Variants in ZBBX observed in about 807,000 individuals in gnomAD.
The protein encoded by ZBBX is zinc finger B-box domain containing, also known as zinc finger B-box domain-containing protein 1.
A neutral mutation model predicts 108.5 loss-of-function variants in ZBBX; 101 were observed. The ratio of observed to expected loss-of-function variants is 0.93; its 90% CI spans 0.79 to 1.10. The LOEUF (loss-of-function observed/expected upper bound fraction) is 1.10, where lower values mean the gene tolerates loss of function less well. Ranked by LOEUF, ZBBX falls within the 50% of genes least tolerant of loss-of-function variation. The pLI is 0.00. For synonymous variants in ZBBX, 356 were observed against 323.4 expected (o/e 1.10, Z -1.08); for missense variants, 1,009 against 941.4 (o/e 1.07, Z -0.94).
At chr3:167,390,483 T>C (rs1748054064) in intron 1 of ZBBX, among the ~76,000 whole-genome samples, 2 of 152,062 alleles carry the variant, frequency 1.3e-5, no homozygotes, top group African/African-American at 2.4e-5. Context: ...TTTGGTTCCA[T>C]ATGAAATTTA....
intron 14 of ZBBX, among the ~76,000 whole-genome samples, chr3:167,316,563 A>G (rs1735497607): frequency 6.6e-6 from 1 of 152,090 alleles, no homozygotes; most frequent in Admixed American, 6.6e-5. Flanking sequence ...TGAACTTCTT[A>G]AGTCTTACAC....
intron 19 of ZBBX, among the ~76,000 whole-genome samples, chr3:167,288,222 G>A (rs1730057211): frequency 6.6e-6 from 1 of 152,066 alleles, no homozygotes; most frequent in South Asian, 2.1e-4. Context: ...TAACAGTAAT[G>A]TCCTAATAAT....
the ZBBX span, among the ~76,000 whole-genome samples, chr3:167,209,867 A>C: frequency 6.6e-6 from 1 of 152,168 alleles, no homozygotes; most frequent in Non-Finnish European, 1.5e-5. Context: ...AGGCGGGTGG[A>C]TCACTTGAGC....
intron 17 of ZBBX, 36 bp from the exon 18 acceptor site, chr3:167,298,494 AC>A (rs763322837): frequency 7.2e-7 from 1 of 1,387,034 alleles, no homozygotes; most frequent in South Asian, 1.7e-5. Context: ...TTATTTTCTA[AC>A]TCATTAACAC....
intron 20 of ZBBX, among the ~76,000 whole-genome samples, chr3:167,268,636 C>T (rs1228682827): frequency 6.6e-6 from 1 of 152,102 alleles, no homozygotes; most frequent in Non-Finnish European, 1.5e-5. Context: ...CAGGCCTAAA[C>T]TTAGAAGACC....
chr3:167,394,384 A>T (rs1748167077), intron 1 of ZBBX, among the ~76,000 whole-genome samples: 1 of 151,906 alleles, frequency 6.6e-6, no homozygotes, highest in African/African-American at 2.4e-5. Flanking sequence ...TTTCTTTCTG[A>T]TTGTATCAAG....
At chr3:167,221,745 T>C in the ZBBX span, among the ~76,000 whole-genome samples, 2 of 151,752 alleles carry the variant, frequency 1.3e-5, no homozygotes, top group Admixed American at 6.6e-5. Flanking sequence ...AAATTAAAAA[T>C]GGGCAAAAGA....
chr3:167,391,608 T>C (rs1481467829), intron 1 of ZBBX, among the ~76,000 whole-genome samples: 1 of 151,876 alleles, frequency 6.6e-6, no homozygotes, highest in East Asian at 1.9e-4. Flanking sequence ...GGAAATCCGT[T>C]TGGCCTTGGG....
chr3:167,251,395 C>A (rs1306827504), intron 20 of ZBBX, among the ~76,000 whole-genome samples: 1 of 152,174 alleles, frequency 6.6e-6, no homozygotes, highest in Admixed American at 6.5e-5. Context: ...AACACACACC[C>A]ACTGGGGCCT....
At chr3:167,400,892 G>A (rs776246481) in intron 1 of ZBBX, among the ~76,000 whole-genome samples, 8 of 152,098 alleles carry the variant, frequency 5.3e-5, no homozygotes, top group Non-Finnish European at 1.0e-4. Context: ...TCCAAAGAAG[G>A]CAATAACATA....
intron 6 of ZBBX, among the ~76,000 whole-genome samples, chr3:167,365,584 G>C (rs1441134407): frequency 6.6e-6 from 1 of 151,648 alleles, no homozygotes; most frequent in Non-Finnish European, 1.5e-5. Context: ...TAGTTTAGAA[G>C]TATTTAGTTC....
intron 18 of ZBBX, among the ~76,000 whole-genome samples, chr3:167,294,701 T>C (rs781204063): frequency 2.7e-4 from 41 of 152,108 alleles, no homozygotes; most frequent in Middle Eastern, 3.2e-3. Context: ...AAATGGGATC[T>C]AATTAAACTA....
chr3:167,324,088 G>C (rs570987439), intron 11 of ZBBX, among the ~76,000 whole-genome samples: 1 of 152,118 alleles, frequency 6.6e-6, no homozygotes, highest in South Asian at 2.1e-4. Context: ...TCTCTATTAA[G>C]CAAAAATTTT....
downstream of ZBBX, among the ~76,000 whole-genome samples, chr3:167,235,164 A>T (rs979724159): frequency 1.3e-5 from 2 of 151,726 alleles, no homozygotes; most frequent in Non-Finnish European, 3.0e-5. Context: ...TAACTTATCC[A>T]GTAGCCTAAC....
chr3:167,187,872 A>G, the ZBBX span, among the ~76,000 whole-genome samples: 1 of 152,202 alleles, frequency 6.6e-6, no homozygotes, highest in African/African-American at 2.4e-5. Context: ...CATTTCCTGA[A>G]CTGAATCACA....
At chr3:167,248,448 CTTTTTTT>C (rs1232150560) in intron 20 of ZBBX, among the ~76,000 whole-genome samples, 1 of 146,998 alleles carries the variant, frequency 6.8e-6, no homozygotes, top group Non-Finnish European at 1.5e-5. Context: ...TTTCTTTTTT[CTTTTTTT>C]TTTTCCTCTT....
intron 18 of ZBBX, among the ~76,000 whole-genome samples, chr3:167,290,081 T>C (rs887134269): frequency 6.6e-6 from 1 of 152,112 alleles, no homozygotes; most frequent in African/African-American, 2.4e-5. Flanking sequence ...CACAGACTTA[T>C]AGATAAAACC....
intron 20 of ZBBX, among the ~76,000 whole-genome samples, chr3:167,258,129 C>T (rs1723850664): frequency 6.6e-6 from 1 of 152,006 alleles, no homozygotes; most frequent in African/African-American, 2.4e-5. Flanking sequence ...TTGATTATGG[C>T]TATAATCATA....
At chr3:167,273,899 T>C (rs1727007971) in intron 20 of ZBBX, among the ~76,000 whole-genome samples, 1 of 152,236 alleles carries the variant, frequency 6.6e-6, no homozygotes, top group Admixed American at 6.5e-5. Context: ...TGAATCATTA[T>C]TTCCATGGGT....
Sources: gnomAD v4.1 joint callset for allele counts (sites outside exome capture counted in the v4.1 genomes callset) on GRCh38, gnomAD v4.1.1 for gene constraint, MANE v1.5 for transcripts, NCBI Gene and HGNC (gene_info 2026-07-23, HGNC 2026-07-21) for gene names.